The following RLF variants were observed in gnomAD, a reference collection of about 807,000 sequenced individuals.
RLF encodes the protein zinc finger protein Rlf.
In RLF, 7 loss-of-function variants were observed where a neutral mutation model predicts 162.9. The ratio of observed to expected loss-of-function variants is 0.04; its 90% CI spans 0.02 to 0.08. RLF has a LOEUF of 0.08. RLF is among the 10% of genes least tolerant of loss of function. RLF has a pLI of 1.00. For synonymous variants in RLF, 782 were observed against 791.5 expected (o/e 0.99, Z 0.20); for missense variants, 1,664 against 2,244.7 (o/e 0.74, Z 5.23).
intron 5 of RLF, among the ~76,000 whole-genome samples, chr1:40,214,580 G>A (rs958676939): frequency 1.1e-4 from 16 of 152,088 alleles, no homozygotes; most frequent in Non-Finnish European, 1.9e-4. Flanking sequence ...TCTGCAAATA[G>A]TGAGGCCCAA....
intron 1 of RLF, among the ~76,000 whole-genome samples, chr1:40,181,707 A>G (rs1261699520): frequency 1.3e-5 from 2 of 152,338 alleles, no homozygotes; most frequent in Middle Eastern, 3.4e-3. Context: ...GCTGATCCTC[A>G]CAAGTTATAT....
intron 1 of RLF, among the ~76,000 whole-genome samples, chr1:40,174,100 C>T (rs890292598): frequency 1.1e-4 from 16 of 152,138 alleles, no homozygotes; most frequent in Non-Finnish European, 1.9e-4. Flanking sequence ...TGGCCGGGCA[C>T]GATGGCTCAC....
intron 5 of RLF, among the ~76,000 whole-genome samples, chr1:40,209,646 G>C (rs1018602597): frequency 1.3e-5 from 2 of 152,174 alleles, no homozygotes; most frequent in African/African-American, 4.8e-5. Flanking sequence ...GGGAGGCCGA[G>C]GCGGGCAGAT....
At chr1:40,227,018 C>T (rs1034813191) in intron 6 of RLF, among the ~76,000 whole-genome samples, 2 of 152,100 alleles carry the variant, frequency 1.3e-5, no homozygotes, top group African/African-American at 4.8e-5. Context: ...TGCCAGCCAC[C>T]ACGCCTGGCT....
At chr1:40,234,975 A>C (rs1293556322) in intron 7 of RLF, among the ~76,000 whole-genome samples, 1 of 151,630 alleles carries the variant, frequency 6.6e-6, no homozygotes, top group Non-Finnish European at 1.5e-5. Context: ...AAATTACCAG[A>C]TTCTTTCAGG....
Position 40,232,409 on chromosome 1 carries a change from C to G in RLF, c.1089+751C>G, listed in dbSNP as rs535560676. Among the ~76,000 whole-genome samples the G allele has an allele frequency of 6.6e-5, 10 of 152,186 alleles. No homozygotes were observed. The East Asian group carries it at 1.9e-3, about 29-fold the overall frequency. ...TTTTTATCAGTTCAGTTTTGTAAATCAGAAATCCAGCACAATGTGGCAGGA... is the reference window on the plus strand; with the variant it reads ...TTTTTATCAGTTCAGTTTTGTAAATGAGAAATCCAGCACAATGTGGCAGGA... On this transcript the variant is annotated intron_variant, in intron 7 of 7. Coordinates refer to ENST00000372771, the MANE Select transcript of RLF (RefSeq NM_012421.4).
At chr1:40,191,428 C>T (rs1642555539) in intron 3 of RLF, among the ~76,000 whole-genome samples, 1 of 151,906 alleles carries the variant, frequency 6.6e-6, no homozygotes, top group Non-Finnish European at 1.5e-5. Context: ...ATCCCAGTTA[C>T]TTGGGAGGCT....
intron 1 of RLF, among the ~76,000 whole-genome samples, chr1:40,185,260 A>T (rs1351619511): frequency 1.3e-5 from 2 of 151,570 alleles, no homozygotes; most frequent in Non-Finnish European, 2.9e-5. Flanking sequence ...CCTCCCAAGT[A>T]GCTGGGACTA....
chr1:40,214,493 C>A (rs531114257), intron 5 of RLF, among the ~76,000 whole-genome samples: 117 of 152,224 alleles, frequency 7.7e-4, no homozygotes, highest in Middle Eastern at 3.4e-3. Context: ...GTGAAGTGAT[C>A]ACAGAAGTGC....
At position 40,238,700 on chromosome 1, in the gene RLF, C is replaced by A; in HGVS notation, c.3998C>A (p.Thr1333Asn). 2 of 1,613,922 alleles carry A rather than the reference C, an allele frequency of 1.2e-6. No individual in the cohort carries two copies. Among genetic ancestry groups the A allele is most frequent in the Non-Finnish European group, 1.7e-6 (2 of 1,179,868 alleles). Residue 1333 changes from threonine (T) to asparagine (N), a missense_variant, in exon 8 of 8, where the codon ACT (threonine) becomes AAT (asparagine). Physicochemically the swap from Thr to Asn is moderately conservative, Grantham distance 65. Transcript: ENST00000372771. The surrounding 1 kb of genome is among the most constrained non-coding windows in gnomAD (Gnocchi z 5.2). ...AAAGGCTTAATTCGCCATTACAGAA[C>A]TGTACATCAGTACAACAAAGAACAG... ...NLKGLIRHYRTVHQYNKEQLC... is the reference protein window; with the variant it reads ...NLKGLIRHYRNVHQYNKEQLC...
chr1:40,205,228 AGAATTGCTTGAGCCCGG>A (rs566706593), intron 5 of RLF, among the ~76,000 whole-genome samples: 167 of 152,222 alleles, frequency 1.1e-3, no homozygotes, highest in African/African-American at 2.3e-3. Context: ...CCGAGGCACA[AGAATTGCTTGAGCCCGG>A]GAATTGCTTG....
chr1:40,219,196 T>A lies in RLF; in HGVS notation c.811-3378T>A, dbSNP rs951972207. The stretch of plus-strand genomic sequence containing the variant: ...GTTATCTCATTTTAATTTACATGAA[T>A]TTTTTAAGTTATTTATTTACTTTTA... On this transcript the variant is annotated intron_variant, in intron 5 of 7. Transcript: ENST00000372771. 4.6e-5 allele frequency among the ~76,000 whole-genome samples: 7 copies of A among 152,332 alleles called. No individual in the cohort carries two copies. The South Asian group carries it at 8.3e-4, about 18-fold the overall frequency.
intron 1 of RLF, among the ~76,000 whole-genome samples, chr1:40,184,263 A>G (rs1480225967): frequency 2.0e-5 from 3 of 152,200 alleles, no homozygotes; most frequent in Non-Finnish European, 2.9e-5. Flanking sequence ...TAATTTTTTC[A>G]ATGTACAGAC....
rs1248137404 is a variant in RLF at position 40,239,652 on chromosome 1, T to C, written c.4950T>C (p.Gly1650=). The change falls in exon 8 of 8, where the codon GGT becomes GGC. Residue 1650 remains glycine, a synonymous_variant. Transcript: ENST00000372771. ...DCCHSSERDG[G]QKGCIESSSV... ...GTCATTCAAGTGAAAGGGATGGAGG[T>C]CAGAAAGGGTGCATAGAAAGCAGCT... The C allele has an allele frequency of 5.6e-6, 9 of 1,613,850 alleles. No homozygotes were observed. The highest frequency in any genetic ancestry group is 7.6e-6 in the Non-Finnish European group (9 of 1,180,014).
chr1:40,226,965 A>G (rs1345504166), intron 6 of RLF, among the ~76,000 whole-genome samples: 2 of 152,134 alleles, frequency 1.3e-5, no homozygotes, highest in South Asian at 2.1e-4. Context: ...CCCGGGTTCA[A>G]GTGATTCTCT....
At chr1:40,210,550 G>A (rs1427340015) in intron 5 of RLF, among the ~76,000 whole-genome samples, 1 of 152,212 alleles carries the variant, frequency 6.6e-6, no homozygotes, top group African/African-American at 2.4e-5. Context: ...AAACTCCATT[G>A]CATTAATGGT....
chr1:40,177,428 T>C (rs2124528528), intron 1 of RLF, among the ~76,000 whole-genome samples: 1 of 151,912 alleles, frequency 6.6e-6, no homozygotes, highest in East Asian at 1.9e-4. Context: ...TAGCTGGGAC[T>C]ACAGGCGCCC....
At chr1:40,172,161 T>A (rs974407287) in intron 1 of RLF, among the ~76,000 whole-genome samples, 6 of 151,430 alleles carry the variant, frequency 4.0e-5, no homozygotes, top group East Asian at 3.9e-4. Context: ...AAATTTTTTT[T>A]AAACTATAAA....
chr1:40,173,816 A>G (rs1642279619), intron 1 of RLF, among the ~76,000 whole-genome samples: 1 of 152,062 alleles, frequency 6.6e-6, no homozygotes, highest in Non-Finnish European at 1.5e-5. Flanking sequence ...TGCCAGGCTG[A>G]TCATGTAATC....
Sources: allele counts gnomAD v4.1 joint callset (sites outside exome capture counted in the v4.1 genomes callset), GRCh38; gene constraint gnomAD v4.1.1; non-coding constraint Gnocchi (gnomAD v3.1); transcripts MANE v1.5; gene names NCBI Gene and HGNC (gene_info 2026-07-23, HGNC 2026-07-21).